Variants in DSC3 observed in about 807,000 individuals in gnomAD.
The protein encoded by DSC3 is desmocollin-3.
Under a neutral mutation model 89.5 loss-of-function variants are expected in DSC3, and 97 were observed. The observed-to-expected ratio is 1.08, with a 90% CI of 0.92 to 1.28. DSC3 has a LOEUF of 1.28. DSC3 is among the 50% of genes most tolerant of loss of function. The pLI is 0.00. For synonymous variants in DSC3, 436 were observed against 384.1 expected, an observed-to-expected ratio of 1.14 and a Z score of -1.58; for missense variants, 1,199 against 1,085.3, an observed-to-expected ratio of 1.10 and a Z score of -1.47.
Position 31,029,570 on chromosome 18 carries a change from GC to G in DSC3, c.412del (p.Ala138HisfsTer36). On this transcript the variant is annotated frameshift_variant, in exon 4 of 16. Transcript: ENST00000360428. LOFTEE classifies it high-confidence loss of function. ...TVLRRAKRRWAPIPCSMQENS... is the reference protein window; with the variant it reads ...TVLRRAKRRWXPIPCSMQENS... The stretch of plus-strand genomic sequence containing the variant: ...CTCTTGCATAGAGCAAGGAATAGGT[GC>G]CCATCTCCTCTTGGCACGCCTGAGA... 6.2e-7 allele frequency: 1 copy of G among 1,613,866 alleles called. No homozygotes were observed. Among genetic ancestry groups the G allele is most frequent in the South Asian group, 1.1e-5 (1 of 91,078 alleles).
Position 31,006,907 on chromosome 18 carries a change from C to T in DSC3, c.1888G>A (p.Asp630Asn), listed in dbSNP as rs759950439. 9 of 1,600,234 alleles carry T rather than the reference C, an allele frequency of 5.6e-6. No individual in the cohort carries two copies. Among genetic ancestry groups the T allele is most frequent in the Non-Finnish European group, 7.7e-6 (9 of 1,168,322 alleles). Residue 630 changes from aspartate to asparagine, a missense_variant and splice_region_variant, in exon 12 of 16, where the codon GAT becomes AAT. Physicochemically the swap from Asp to Asn is conservative, Grantham distance 23 (BLOSUM62 1). Coordinates refer to ENST00000360428, the MANE Select transcript of DSC3 (RefSeq NM_001941.5). ...SRLWSLTKVN[D>N]TAARLSYQKN... ...TAAATCATTATTTTTTATTAAATAC[C>T]ATTAACTTTGGTGAGGCTCCACAGT...
intron 9 of DSC3, among the ~76,000 whole-genome samples, chr18:31,014,140 CAG>C (rs1286306175): frequency 6.6e-6 from 1 of 151,706 alleles, no homozygotes; most frequent in Non-Finnish European, 1.5e-5. Flanking sequence ...AAGAAAAGCA[CAG>C]AATAAGGAAT....
chr18:30,996,836 G>T lies in DSC3; in HGVS notation c.2448C>A (p.Tyr816Ter). The change falls in exon 15 of 16, where the codon TAC (tyrosine) becomes TAA (stop). Residue 816 changes from tyrosine to a stop codon, truncating the protein, a stop_gained. Coordinates refer to ENST00000360428, the MANE Select transcript of DSC3 (RefSeq NM_001941.5). LOFTEE classifies it high-confidence loss of function. ...TAAAACTGTGCCACTCCGAGTAAGT[G>T]TATCTGCAGTTGTCCACCTCCGTGT... is the stretch of plus-strand genomic sequence containing the variant. ...GGHTEVDNCR[Y>*]TYSEWHSFTQ... 6.2e-7 allele frequency: 1 copy of T among 1,613,634 alleles called. No individual in the cohort carries two copies. Among genetic ancestry groups the T allele is most frequent in the South Asian group, 1.1e-5 (1 of 91,046 alleles).
chr18:31,024,288 C>A, intron 6 of DSC3, 61 bp downstream of exon 6: 1 of 1,472,788 alleles, frequency 6.8e-7, no homozygotes, highest in Non-Finnish European at 9.1e-7. Context: ...AGCTCTATGT[C>A]TTTTAAAATG....
rs1985587632 is a variant in DSC3 at position 31,025,993 on chromosome 18, CTT to C, written c.475-80_475-79del. 10 of 1,305,720 alleles carry C rather than the reference CTT, an allele frequency of 7.7e-6. No individual in the cohort carries two copies. The South Asian group carries it at 1.3e-4, about 17-fold the overall frequency. 80.9% of individuals were successfully genotyped at this position (1,305,720 alleles called of 1,614,324 possible). A position where few individuals can be genotyped will look rare whatever the true frequency, so the allele number is the denominator to read the frequency against. On this transcript the variant is annotated intron_variant, in intron 4 of 15. Transcript: ENST00000360428. ...TATTTTTTAAATGCAGCTGATGTAT[CTT>C]TTTATTTTAAAGAGATAATTTCAAA...
At chr18:31,024,253 G>A (rs1370282804) in intron 6 of DSC3, 96 bp downstream of exon 6, 2 of 1,196,396 alleles carry the variant, frequency 1.7e-6, no homozygotes, top group African/African-American at 1.6e-5. Flanking sequence ...CGTTATCTCA[G>A]GCTGATCTGG....
intron 13 of DSC3, among the ~76,000 whole-genome samples, chr18:31,002,705 A>C (rs1984706126): frequency 6.6e-6 from 1 of 151,594 alleles, no homozygotes; most frequent in African/African-American, 2.4e-5. Flanking sequence ...TGCCTCAAAA[A>C]AAAAAAAAAA....
At chr18:31,015,406 T>G (rs527679164) in intron 9 of DSC3, among the ~76,000 whole-genome samples, 154 of 152,258 alleles carry the variant, frequency 1.0e-3, no homozygotes, top group African/African-American at 3.6e-3. Flanking sequence ...TCTTAATACC[T>G]CTATGGTCAG....
In DSC3 at chr18:30,994,504, C is replaced by A. The variant is rs758630359; in HGVS notation, c.2494-132G>T. 3 of 1,586,702 alleles carry A rather than the reference C, an allele frequency of 1.9e-6. No individual in the cohort carries two copies. The East Asian group carries it at 6.8e-5, about 36-fold the overall frequency. ...GTGTCCTCTAATGGATTCCTACACA[C>A]AGAAAATGCAAATGATTGGTCTATA... is the stretch of plus-strand genomic sequence containing the variant. On this transcript the variant is annotated intron_variant, in intron 15 of 15. Transcript: ENST00000360428.
intron 9 of DSC3, among the ~76,000 whole-genome samples, chr18:31,011,578 C>T (rs1485833206): frequency 6.6e-6 from 1 of 152,166 alleles, no homozygotes; most frequent in Admixed American, 6.5e-5. Flanking sequence ...ATTCTTTAAT[C>T]AGTACTCAAA....
chr18:31,015,372 TC>T (rs1427652428), intron 9 of DSC3, among the ~76,000 whole-genome samples: 3 of 152,170 alleles, frequency 2.0e-5, no homozygotes, highest in Non-Finnish European at 4.4e-5. Flanking sequence ...GGTTATAACT[TC>T]CAATCACCTT....
intron 1 of DSC3, among the ~76,000 whole-genome samples, chr18:31,038,969 T>C (rs1247858626): frequency 6.6e-6 from 1 of 152,052 alleles, no homozygotes; most frequent in Non-Finnish European, 1.5e-5. Context: ...ATTATGTTTT[T>C]GTGAGGTTTG....
chr18:30,995,957 G>GCAA (rs1195692911), intron 15 of DSC3, among the ~76,000 whole-genome samples: 1 of 102,110 alleles, frequency 9.8e-6, no homozygotes, highest in East Asian at 3.4e-4. Context: ...CAGCGACAGA[G>GCAA]CAAGACCCTG....
chr18:31,011,309 T>C (rs1985047992), intron 9 of DSC3, among the ~76,000 whole-genome samples: 1 of 152,230 alleles, frequency 6.6e-6, no homozygotes. Context: ...ATGAAGGGAA[T>C]AAATGCTGTA....
intron 1 of DSC3, among the ~76,000 whole-genome samples, chr18:31,032,729 G>A (rs544475357): frequency 1.3e-5 from 2 of 152,148 alleles, no homozygotes; most frequent in East Asian, 3.9e-4. Flanking sequence ...CCAAGTAGCT[G>A]GGATTACAGG....
intron 4 of DSC3, among the ~76,000 whole-genome samples, chr18:31,028,628 G>A (rs1236179322): frequency 6.6e-6 from 1 of 152,050 alleles, no homozygotes; most frequent in Non-Finnish European, 1.5e-5. Flanking sequence ...TTAGTACACA[G>A]GTTACACCAT....
chr18:31,022,876 A>G (rs1985471016), intron 6 of DSC3, among the ~76,000 whole-genome samples: 1 of 152,198 alleles, frequency 6.6e-6, no homozygotes, highest in South Asian at 2.1e-4. Flanking sequence ...TAAAAATTGG[A>G]CTTTTGATTA....
At chr18:31,016,951 T>C (rs1321706186) in intron 9 of DSC3, among the ~76,000 whole-genome samples, 2 of 152,176 alleles carry the variant, frequency 1.3e-5, no homozygotes, top group African/African-American at 2.4e-5. Context: ...CCTAAATACA[T>C]TCCCATGTTC....
In DSC3 at chr18:31,030,999, TA is replaced by T; in HGVS notation, c.327del (p.Thr110LeufsTer4). On this transcript the variant is annotated frameshift_variant, in exon 3 of 16. Transcript: ENST00000360428. LOFTEE classifies it high-confidence loss of function. ...TTCTTCTGATGTTCTAGCAGCACAG[TA>T]ACCTCTTTCTGTGTCTGTTTCCTTT... is the stretch of plus-strand genomic sequence containing the variant. ...SDKRKQTQKE[V>X]TVLLEHQKKV... is the part of the protein sequence containing the mutation. The T allele has an allele frequency of 6.2e-7, 1 of 1,613,988 alleles. No individual in the cohort carries two copies. The highest frequency in any genetic ancestry group is 8.5e-7 in the Non-Finnish European group (1 of 1,179,852).
Sources: gnomAD v4.1 joint callset for allele counts (sites outside exome capture counted in the v4.1 genomes callset) on GRCh38, gnomAD v4.1.1 for gene constraint, MANE v1.5 for transcripts, NCBI Gene and HGNC (gene_info 2026-07-23, HGNC 2026-07-21) for gene names.